The following CAPS2 variants were observed in gnomAD, a reference collection of about 807,000 sequenced individuals.
The protein encoded by CAPS2 is calcyphosin-2.
A neutral mutation model predicts 86.5 loss-of-function variants in CAPS2; 98 were observed. That is an observed-to-expected ratio of 1.13 (90% CI 0.96 to 1.34). CAPS2 has a LOEUF of 1.34. Among genes scored for constraint, CAPS2 ranks in the 40% most tolerant of loss-of-function variants. CAPS2 has a pLI of 0.00. For synonymous variants in CAPS2, 210 were observed against 225.1 expected, an observed-to-expected ratio of 0.93 and a Z score of 0.60; for missense variants, 729 against 686.8, an observed-to-expected ratio of 1.06 and a Z score of -0.69.
rs142633493 is a variant in CAPS2, at chr12:75,347,681, G to A, written c.-394-24459C>T. ...CAGTTGCAATGTGTCCTAACCTTGG[G>A]GGAGCTTCAACTGCAATATTTGTAT... On this transcript the variant is annotated intron_variant, in intron 1 of 5. Coordinates refer to the CAPS2 transcript ENST00000551829. The A allele has an allele frequency of 6.9e-4, 1,104 of 1,606,498 alleles. 1 individual carries two copies. Among genetic ancestry groups the A allele is most frequent in the Non-Finnish European group, 8.9e-4 (1,049 of 1,175,348 alleles).
chr12:75,331,757 G>T (rs1301873043), upstream of CAPS2, among the ~76,000 whole-genome samples: 1 of 151,874 alleles, frequency 6.6e-6, no homozygotes, highest in Non-Finnish European at 1.5e-5. Flanking sequence ...TAGAGACAGG[G>T]TTTCACCGTT....
At chr12:75,293,744 T>C (rs576708291) in intron 11 of CAPS2, among the ~76,000 whole-genome samples, 2 of 152,326 alleles carry the variant, frequency 1.3e-5, no homozygotes, top group East Asian at 3.9e-4. Context: ...TTTCTCATAC[T>C]CTTTCACAGC....
At chr12:75,334,881 C>A (rs1370656902), upstream of CAPS2, 2 of 1,614,016 alleles carry the variant, frequency 1.2e-6, no homozygotes, top group South Asian at 2.2e-5. Flanking sequence ...TCAACCCTCC[C>A]GCGGCCGACA....
chr12:75,371,694 C>A (rs1221802091), intron 1 of CAPS2, among the ~76,000 whole-genome samples: 1 of 152,042 alleles, frequency 6.6e-6, no homozygotes, highest in Non-Finnish European at 1.5e-5. Flanking sequence ...ACTTAAATGT[C>A]TAAATGAAGT....
At chr12:75,321,550 C>A (rs10879901) in exon 5 of CAPS2, 370,866 of 1,541,216 alleles carry the variant, frequency 0.24, 46,397 homozygotes, top group Middle Eastern at 0.26. Flanking sequence ...TTGGTGCTGG[C>A]AAATTTTCAG....
At chr12:75,348,299 C>A (rs908439559) in intron 1 of CAPS2, among the ~76,000 whole-genome samples, 2 of 151,840 alleles carry the variant, frequency 1.3e-5, no homozygotes, top group African/African-American at 4.8e-5. Context: ...TAAAAATAAG[C>A]AGTAGAAAAG....
chr12:75,318,249 G>A (rs975508077), intron 5 of CAPS2: 2 of 152,062 alleles, frequency 1.3e-5, no homozygotes, highest in Non-Finnish European at 2.9e-5. Flanking sequence ...GAGGCACTAC[G>A]AAGTTCCAAG....
chr12:75,299,062 C>G (rs1013805663), intron 9 of CAPS2, 96 bp from the exon 10 acceptor site: 7 of 768,814 alleles, frequency 9.1e-6, no homozygotes, highest in East Asian at 8.1e-5. Flanking sequence ...ATAGCTAACT[C>G]TCTTATGTAT....
intron 14 of CAPS2, among the ~76,000 whole-genome samples, chr12:75,289,171 C>A (rs1203094468): frequency 6.6e-6 from 1 of 152,148 alleles, no homozygotes; most frequent in Non-Finnish European, 1.5e-5. Flanking sequence ...ATTCACACTC[C>A]TTTTTCTCCC....
chr12:75,304,818 T>A (rs1375247536), exon 8 of CAPS2: 1 of 1,611,436 alleles, frequency 6.2e-7, no homozygotes, highest in Admixed American at 1.7e-5. Flanking sequence ...TCTGGAAGGA[T>A]ATGATCACTT....
chr12:75,328,916 T>A (rs772772873), upstream of CAPS2, among the ~76,000 whole-genome samples: 2 of 152,208 alleles, frequency 1.3e-5, no homozygotes, highest in Non-Finnish European at 2.9e-5. Flanking sequence ...CCGTCATACA[T>A]GGAACACTTT....
Position 75,289,612 on chromosome 12 carries a change from A to G in CAPS2, c.1395+9T>C, listed in dbSNP as rs753724103. The G allele has an allele frequency of 1.2e-6, 2 of 1,600,364 alleles. No individual in the cohort carries two copies. Among genetic ancestry groups the G allele is most frequent in the Admixed American group, 3.5e-5 (2 of 57,338 alleles). On this transcript the variant is annotated intron_variant, in intron 14 of 16. Transcript: ENST00000393284. ...TTATCTGCTGCAGAGAATTTTCTGT[A>G]GCACATACCTTTTCAGACACTTCTA...
chr12:75,302,226 G>A (rs920001223), intron 8 of CAPS2, among the ~76,000 whole-genome samples: 2 of 152,080 alleles, frequency 1.3e-5, no homozygotes, highest in Non-Finnish European at 2.9e-5. Context: ...AATTCTAATC[G>A]ATACCCCCAC....
At chr12:75,390,819 G>A (rs1438614157) in intron 1 of CAPS2, 2 of 596,820 alleles carry the variant, frequency 3.4e-6, no homozygotes, top group South Asian at 3.0e-5. Context: ...CATTAGTTTA[G>A]TGAAAAGGGC....
chr12:75,358,954 T>C (rs1006285102), intron 1 of CAPS2, among the ~76,000 whole-genome samples: 4 of 147,244 alleles, frequency 2.7e-5, no homozygotes, highest in African/African-American at 9.9e-5. Context: ...TAATATATTA[T>C]TAAAGACTGC....
intron 1 of CAPS2, among the ~76,000 whole-genome samples, chr12:75,335,868 T>A (rs968999234): frequency 2.6e-5 from 4 of 151,996 alleles, no homozygotes; most frequent in African/African-American, 7.2e-5. Context: ...AATTCAGAAA[T>A]ACTAATATTA....
intron 1 of CAPS2, among the ~76,000 whole-genome samples, chr12:75,358,296 T>C (rs2043287402): frequency 6.6e-6 from 1 of 151,764 alleles, no homozygotes; most frequent in Admixed American, 6.6e-5. Context: ...TAGAGCAATA[T>C]CCCTCACAAA....
At chr12:75,332,539 T>G (rs892288509), upstream of CAPS2, among the ~76,000 whole-genome samples, 1 of 152,194 alleles carries the variant, frequency 6.6e-6, no homozygotes, top group Non-Finnish European at 1.5e-5. Flanking sequence ...GCATTTCCTT[T>G]TATGTGATTA....
At chr12:75,370,791 C>T (rs1405859786) in intron 1 of CAPS2, among the ~76,000 whole-genome samples, 2 of 152,010 alleles carry the variant, frequency 1.3e-5, no homozygotes, top group South Asian at 2.1e-4. Flanking sequence ...CTTTTAAAAG[C>T]CATATAAAAT....
Sources: allele counts gnomAD v4.1 joint callset (sites outside exome capture counted in the v4.1 genomes callset), GRCh38; gene constraint gnomAD v4.1.1; transcripts MANE v1.5; gene names NCBI Gene and HGNC (gene_info 2026-07-23, HGNC 2026-07-21).